Variants in CACNA1E observed in about 807,000 individuals in gnomAD.
CACNA1E encodes calcium voltage-gated channel subunit alpha1 E.
In CACNA1E, 40 loss-of-function variants were observed where a neutral mutation model predicts 259.2. The ratio of observed to expected loss-of-function variants is 0.15; its 90% CI spans 0.12 to 0.20. The LOEUF is 0.20. CACNA1E is among the 10% of genes least tolerant of loss of function. The probability of loss-of-function intolerance (pLI) is 1.00; values close to 1 mark genes in which losing one functional copy is unlikely to be tolerated. For synonymous variants in CACNA1E, 1,104 were observed against 1,138.5 expected (o/e 0.97, Z 0.61); for missense variants, 1,874 against 3,040.1 (o/e 0.62, Z 9.02).
At chr1:181,416,655 A>C (rs1211667672) in intron 2 of CACNA1E, among the ~76,000 whole-genome samples, 4 of 152,134 alleles carry the variant, frequency 2.6e-5, no homozygotes, top group African/African-American at 9.7e-5. Context: ...CTCATGTGAC[A>C]GCTGCTTTCC....
chr1:181,636,028 C>T lies in CACNA1E; in HGVS notation c.952-15310C>T, dbSNP rs74127810. 5.1e-3 allele frequency among the ~76,000 whole-genome samples: 777 copies of T among 152,216 alleles called. 6 individuals are homozygous for T. The highest frequency in any genetic ancestry group is 0.018 in the African/African-American group (747 of 41,536). On this transcript the variant is annotated intron_variant, in intron 6 of 47. Transcript: ENST00000367573. The stretch of plus-strand genomic sequence containing the variant: ...AAAAGTATACAACCAACTCCTTGCT[C>T]ATGGCAAGTAAAATATTTAGATGAT...
At chr1:181,738,996 CT>C in intron 24 of CACNA1E, 150 bp from the exon 25 acceptor site, 3 of 673,686 alleles carry the variant, frequency 4.5e-6, no homozygotes, top group Non-Finnish European at 8.0e-6. Context: ...TGGAGAAAGC[CT>C]GCTGGACCTA....
chr1:181,487,033 T>C (rs1314953219), intron 1 of CACNA1E, among the ~76,000 whole-genome samples: 2 of 152,156 alleles, frequency 1.3e-5, no homozygotes, highest in African/African-American at 2.4e-5. Flanking sequence ...ATTTTTTTTT[T>C]TTTTTTTAAG....
At chr1:181,538,076 TTTTCTGTCTTAGTG>T (rs780052979) in intron 3 of CACNA1E, among the ~76,000 whole-genome samples, 2 of 152,168 alleles carry the variant, frequency 1.3e-5, no homozygotes, top group Non-Finnish European at 2.9e-5. Flanking sequence ...TGTTCTAGTG[TTTTCTGTCTTAGTG>T]TTTTTATGTA....
chr1:181,378,071 G>A (rs2101984425), intron 1 of CACNA1E, among the ~76,000 whole-genome samples: 1 of 152,346 alleles, frequency 6.6e-6, no homozygotes, highest in East Asian at 1.9e-4. Context: ...ATAGAAATGG[G>A]TAAAAAGGGA....
intron 7 of CACNA1E, among the ~76,000 whole-genome samples, chr1:181,652,835 T>C (rs1208021728): frequency 6.6e-6 from 1 of 152,140 alleles, no homozygotes; most frequent in African/African-American, 2.4e-5. Flanking sequence ...AGCTTGGAAT[T>C]GTACCATCAG....
At chr1:181,457,756 T>G (rs1371465665) in intron 2 of CACNA1E, among the ~76,000 whole-genome samples, 1 of 152,226 alleles carries the variant, frequency 6.6e-6, no homozygotes, top group Non-Finnish European at 1.5e-5. Flanking sequence ...ATAGATGAAG[T>G]TGAACGAATG....
intron 47 of CACNA1E, 21 bp downstream of exon 47, chr1:181,796,879 A>G (rs1238520136): frequency 1.9e-6 from 3 of 1,539,850 alleles, no homozygotes; most frequent in Middle Eastern, 1.8e-4. Flanking sequence ...AGAGGAAGCC[A>G]GTCTACAGCA....
intron 2 of CACNA1E, among the ~76,000 whole-genome samples, chr1:181,442,919 G>T (rs573624789): frequency 6.6e-6 from 1 of 152,262 alleles, no homozygotes; most frequent in African/African-American, 2.4e-5. Flanking sequence ...CTGCAGACCA[G>T]CCTTGCTGTC....
At position 181,330,093 on chromosome 1, in the gene CACNA1E, T is replaced by C. The variant is rs1050384871; in HGVS notation, c.-15+11970T>C. Among the ~76,000 whole-genome samples the C allele has an allele frequency of 3.3e-5, 5 of 152,152 alleles. No homozygotes were observed. In the East Asian group the frequency reaches 9.7e-4, roughly 29 times the overall value. On this transcript the variant is annotated intron_variant, in intron 1 of 11. Coordinates refer to the CACNA1E transcript ENST00000524607. ...TCTCCCTGCACATTCCTTGCTGCCT[T>C]ACCAGCCTCATGCTCTCTGTGCCCT...
Position 181,771,747 on chromosome 1 carries a change from C to A in CACNA1E, c.4974-319C>A. On this transcript the variant is annotated intron_variant, in intron 36 of 47. Coordinates refer to ENST00000367573, the MANE Select transcript of CACNA1E (RefSeq NM_001205293.3). Reference sequence around the variant, plus strand: ...GGTTTGGGAGGGGGGAATGTCAGGACAGTGTTTGCAGACCAAATTCCACTT... The same window carrying A: ...GGTTTGGGAGGGGGGAATGTCAGGAAAGTGTTTGCAGACCAAATTCCACTT... The A allele has an allele frequency of 8.6e-6, 4 of 466,282 alleles. No individual in the cohort carries two copies. In the South Asian group the frequency reaches 1.5e-4, roughly 18 times the overall value. 28.9% of individuals were successfully genotyped at this position (466,282 alleles called of 1,614,324 possible).
chr1:181,707,340 G>A (rs74127825), intron 7 of CACNA1E, among the ~76,000 whole-genome samples: 4,837 of 152,242 alleles, frequency 0.032, 216 homozygotes, highest in African/African-American at 0.11. Flanking sequence ...CTCTGGGACT[G>A]TGAGTTCCAG....
chr1:181,402,052 C>T (rs1299832491), intron 1 of CACNA1E, among the ~76,000 whole-genome samples: 1 of 152,170 alleles, frequency 6.6e-6, no homozygotes, highest in Admixed American at 6.5e-5. Flanking sequence ...CAGACATTCT[C>T]TCACTCCCGT....
intron 7 of CACNA1E, among the ~76,000 whole-genome samples, chr1:181,690,024 G>C (rs2102315754): frequency 6.6e-6 from 1 of 152,156 alleles, no homozygotes; most frequent in South Asian, 2.1e-4. Flanking sequence ...CATTGCTTTT[G>C]GTGTTTTAGT....
intron 2 of CACNA1E, among the ~76,000 whole-genome samples, chr1:181,452,336 C>T (rs1478213138): frequency 1.3e-5 from 2 of 152,192 alleles, no homozygotes; most frequent in African/African-American, 2.4e-5. Flanking sequence ...GAGGACATTG[C>T]AGAGATAAGG....
intron 3 of CACNA1E, among the ~76,000 whole-genome samples, chr1:181,524,448 T>C (rs1667209181): frequency 6.6e-6 from 1 of 152,202 alleles, no homozygotes; most frequent in African/African-American, 2.4e-5. Context: ...AATACCTCTC[T>C]TGCAAGATTT....
chr1:181,387,126 A>G (rs1358831257), intron 1 of CACNA1E, among the ~76,000 whole-genome samples: 1 of 151,964 alleles, frequency 6.6e-6, no homozygotes, highest in Admixed American at 6.6e-5. Context: ...TGAGAAGCCA[A>G]GCCGTGTGAC....
At chr1:181,476,256 A>G (rs1662844095) in intron 2 of CACNA1E, among the ~76,000 whole-genome samples, 1 of 152,236 alleles carries the variant, frequency 6.6e-6, no homozygotes, top group Non-Finnish European at 1.5e-5. Flanking sequence ...CCTTAAGTCC[A>G]TATCATATGG....
intron 1 of CACNA1E, among the ~76,000 whole-genome samples, chr1:181,484,522 A>G (rs1032856215): frequency 6.6e-6 from 1 of 152,210 alleles, no homozygotes; most frequent in South Asian, 2.1e-4. Flanking sequence ...CTGTGTACAG[A>G]TAGACAAATG....
Sources: allele counts gnomAD v4.1 joint callset (sites outside exome capture counted in the v4.1 genomes callset), GRCh38; gene constraint gnomAD v4.1.1; transcripts MANE v1.5; gene names NCBI Gene and HGNC (gene_info 2026-07-23, HGNC 2026-07-21).